DAB1: variants seen among roughly 807,000 people sequenced by gnomAD.
The protein encoded by DAB1 is disabled homolog 1.
Under a neutral mutation model 64.6 loss-of-function variants are expected in DAB1, and 15 were observed. The observed-to-expected ratio is 0.23, with a 90% confidence interval of 0.16 to 0.36. The LOEUF (loss-of-function observed/expected upper bound fraction) is 0.36. DAB1 is among the 10% of genes least tolerant of loss of function. DAB1 has a pLI of 1.00. For missense variants in DAB1, 596 were observed against 706.7 expected (o/e 0.84, Z 1.78); for synonymous variants, 235 against 251.9 (o/e 0.93, Z 0.64).
At chr1:58,471,630 A>G (rs1645359762) in intron 3 of DAB1, among the ~76,000 whole-genome samples, 1 of 152,132 alleles carries the variant, frequency 6.6e-6, no homozygotes, top group Non-Finnish European at 1.5e-5. Context: ...GGGCCCAGTG[A>G]GAGGTGATTG....
At chr1:58,355,965 C>T (rs1361887048) in intron 3 of DAB1, among the ~76,000 whole-genome samples, 1 of 152,174 alleles carries the variant, frequency 6.6e-6, no homozygotes, top group Non-Finnish European at 1.5e-5. Context: ...AAATGCTTCA[C>T]TTAGGTGGAG....
At chr1:57,384,656 A>G (rs1463111417) in intron 1 of DAB1, among the ~76,000 whole-genome samples, 1 of 152,198 alleles carries the variant, frequency 6.6e-6, no homozygotes, top group Admixed American at 6.5e-5. Flanking sequence ...GCCAATCACA[A>G]TTCTACTTTT....
rs539558474 is a variant in DAB1 at position 57,723,371 on chromosome 1, T to C, written n.552-73706A>G. On this transcript the variant is annotated intron_variant and non_coding_transcript_variant, in intron 6 of 20. Transcript: ENST00000485760. Reference sequence around the variant, plus strand: ...ATATGAATGTTTTTTCTGATACGCCTGTTTATGAATGCATGCCTGTTTCAC... The same window carrying C: ...ATATGAATGTTTTTTCTGATACGCCCGTTTATGAATGCATGCCTGTTTCAC... Among the ~76,000 whole-genome samples the C allele has an allele frequency of 5.3e-4, 80 of 152,362 alleles. No homozygotes were observed. The South Asian group carries it at 6.2e-3, about 12-fold the overall frequency.
chr1:57,220,469 T>A (rs7556560), intron 2 of DAB1, among the ~76,000 whole-genome samples: 2,070 of 152,302 alleles, frequency 0.014, 48 homozygotes, highest in African/African-American at 0.048. Context: ...CTATCCATCA[T>A]AACCTGTGGT....
downstream of DAB1, among the ~76,000 whole-genome samples, chr1:57,822,816 C>T (rs531449408): frequency 6.6e-6 from 1 of 151,814 alleles, no homozygotes; most frequent in Admixed American, 6.6e-5. Flanking sequence ...TAAATTATTA[C>T]CATTTCAACA....
At chr1:57,173,689 A>G (rs1413270074) in intron 2 of DAB1, among the ~76,000 whole-genome samples, 2 of 152,226 alleles carry the variant, frequency 1.3e-5, no homozygotes, top group African/African-American at 2.4e-5. Context: ...AACATTTCAT[A>G]TAAGACATTT....
At position 58,513,003 on chromosome 1, in the gene DAB1, G is replaced by C. The variant is rs750779602; in HGVS notation, n.108-6794C>G. On this transcript the variant is annotated intron_variant and non_coding_transcript_variant, in intron 2 of 20. Coordinates refer to the DAB1 transcript ENST00000485760. The stretch of plus-strand genomic sequence containing the variant: ...GTCTAATTCTTTTGCTTCAAGAAAA[G>C]TATTATAGAAAACTAAGAACTTATT... Among the ~76,000 whole-genome samples the C allele has an allele frequency of 4.3e-4, 66 of 152,252 alleles. 1 individual carries two copies. The highest frequency in any genetic ancestry group is 6.8e-3 in the Middle Eastern group (2 of 294).
chr1:57,929,168 TG>T (rs1233385075), intron 5 of DAB1, among the ~76,000 whole-genome samples: 4 of 152,224 alleles, frequency 2.6e-5, no homozygotes, highest in Admixed American at 2.6e-4. Context: ...TGTCTCGATT[TG>T]TATTCTCCTT....
intron 1 of DAB1, among the ~76,000 whole-genome samples, chr1:57,351,173 G>T (rs1182960458): frequency 6.6e-6 from 1 of 152,138 alleles, no homozygotes; most frequent in Non-Finnish European, 1.5e-5. Context: ...TCAAAAACTA[G>T]GGAGTGACAG....
At chr1:57,885,558 C>T (rs547933478), upstream of DAB1, among the ~76,000 whole-genome samples, 1 of 152,286 alleles carries the variant, frequency 6.6e-6, no homozygotes, top group African/African-American at 2.4e-5. Flanking sequence ...AGGCTATTAA[C>T]TGGGGAAATG....
At chr1:58,505,078 G>A (rs1434449895) in intron 3 of DAB1, among the ~76,000 whole-genome samples, 2 of 151,950 alleles carry the variant, frequency 1.3e-5, no homozygotes, top group Middle Eastern at 3.4e-3. Flanking sequence ...TCAATCTCCC[G>A]AGTAGCTGGG....
At chr1:58,107,303 C>CAAAA (rs960763989) in intron 5 of DAB1, among the ~76,000 whole-genome samples, 1 of 70,904 alleles carries the variant, frequency 1.4e-5, no homozygotes, top group Non-Finnish European at 3.2e-5. Flanking sequence ...ACTAAAAATA[C>CAAAA]AAAAAAAAAA....
intron 1 of DAB1, among the ~76,000 whole-genome samples, chr1:57,369,427 T>C (rs1309853143): frequency 1.3e-5 from 2 of 152,216 alleles, no homozygotes. Context: ...TGTTTTATAT[T>C]CTTAATGAAC....
chr1:58,383,123 G>C (rs1644404300), intron 3 of DAB1, among the ~76,000 whole-genome samples: 1 of 152,190 alleles, frequency 6.6e-6, no homozygotes, highest in South Asian at 2.1e-4. Flanking sequence ...TATACACAAA[G>C]AAGTATTCAT....
Position 57,256,770 on chromosome 1 carries a change from C to T in DAB1, c.67+34194G>A, listed in dbSNP as rs1213925909. Among the ~76,000 whole-genome samples the T allele has an allele frequency of 4.6e-5, 7 of 152,302 alleles. No homozygotes were observed. The East Asian group carries it at 1.2e-3, about 25-fold the overall frequency. ...TATTTGCTGCTCAGCTAGCCTGTTT[C>T]TTCCTGACATGGGACAAGCCTTGGC... On this transcript the variant is annotated intron_variant, in intron 2 of 14. Transcript: ENST00000371236.
chr1:57,756,973 T>C (rs1648839623), intron 6 of DAB1, among the ~76,000 whole-genome samples: 1 of 152,128 alleles, frequency 6.6e-6, no homozygotes, highest in South Asian at 2.1e-4. Context: ...CAGAAGCCTG[T>C]TGCAATAGCA....
chr1:58,515,844 G>C (rs147076174), intron 2 of DAB1, among the ~76,000 whole-genome samples: 42 of 152,324 alleles, frequency 2.8e-4, no homozygotes, highest in African/African-American at 1.0e-3. Flanking sequence ...TGTAAAATGA[G>C]AAGGTAGATT....
chr1:58,032,934 C>T (rs1473960494), intron 5 of DAB1, among the ~76,000 whole-genome samples: 1 of 152,230 alleles, frequency 6.6e-6, no homozygotes, highest in Non-Finnish European at 1.5e-5. Context: ...TGATCTTTCT[C>T]CTGTTTCAGG....
At chr1:58,198,795 A>G (rs1657835599) in intron 4 of DAB1, among the ~76,000 whole-genome samples, 2 of 152,178 alleles carry the variant, frequency 1.3e-5, no homozygotes, top group African/African-American at 4.8e-5. Flanking sequence ...TATTTCTGCT[A>G]GCTTGGATGA....
Sources: gnomAD v4.1 joint callset for allele counts (sites outside exome capture counted in the v4.1 genomes callset) on GRCh38, gnomAD v4.1.1 for gene constraint, MANE v1.5 for transcripts, NCBI Gene and HGNC (gene_info 2026-07-23, HGNC 2026-07-21) for gene names.